PLPP4: variants seen among roughly 807,000 people sequenced by gnomAD.
PLPP4 encodes the protein phospholipid phosphatase 4.
PLPP4 carries 20 observed loss-of-function variants against 32.2 expected under a neutral mutation model. The ratio of observed to expected loss-of-function variants is 0.62; its 90% CI spans 0.44 to 0.90. The LOEUF is 0.90. PLPP4 is among the 40% of genes least tolerant of loss of function. The probability of loss-of-function intolerance (pLI) is 0.00; values close to 1 mark genes in which losing one functional copy is unlikely to be tolerated. For synonymous variants in PLPP4, 127 were observed against 133.0 expected (o/e 0.95, Z 0.31); for missense variants, 257 against 353.1 (o/e 0.73, Z 2.18).
At chr10:120,542,152 C>T (rs1425757409) in intron 5 of PLPP4, among the ~76,000 whole-genome samples, 1 of 152,204 alleles carries the variant, frequency 6.6e-6, no homozygotes, top group African/African-American at 2.4e-5. Context: ...GTGAGGAAGA[C>T]TGCTGGAGGT....
chr10:120,527,512 C>T (rs941298086), intron 5 of PLPP4, among the ~76,000 whole-genome samples: 2 of 152,308 alleles, frequency 1.3e-5, no homozygotes, highest in South Asian at 4.1e-4. Flanking sequence ...AATACCTTTA[C>T]GGTAACATCT....
Position 120,565,635 on chromosome 10 carries a change from T to C in PLPP4, c.446-9496T>C, listed in dbSNP as rs371382052. On this transcript the variant is annotated intron_variant, in intron 5 of 6. Coordinates refer to ENST00000398250, the MANE Select transcript of PLPP4 (RefSeq NM_001030059.3). The stretch of plus-strand genomic sequence containing the variant: ...TTGTGTTGTAAAGTTTTATTAATAC[T>C]GTGTCTAGGTGTGGAGTTCCTTTTA... 2.2e-4 allele frequency among the ~76,000 whole-genome samples: 34 copies of C among 152,292 alleles called. 1 individual carries two copies. The South Asian group carries it at 4.1e-3, about 19-fold the overall frequency.
At chr10:120,580,941 G>A (rs1455550802) in intron 6 of PLPP4, 47 of 1,289,002 alleles carry the variant, frequency 3.6e-5, no homozygotes, top group Non-Finnish European at 4.8e-5. Flanking sequence ...ATTTACCATC[G>A]GCTGCCAACC....
At chr10:120,494,727 T>A (rs1218600384) in intron 1 of PLPP4, among the ~76,000 whole-genome samples, 1 of 152,208 alleles carries the variant, frequency 6.6e-6, no homozygotes, top group African/African-American at 2.4e-5. Context: ...GGATGATAGG[T>A]ACAAGAGAGT....
rs192701942 is a variant in PLPP4 at position 120,457,329 on chromosome 10, C to T, written c.24C>T (p.Ile8=). Residue 8 remains isoleucine, a synonymous_variant, in exon 1 of 7, where the codon ATC becomes ATT. Coordinates refer to ENST00000398250, the MANE Select transcript of PLPP4 (RefSeq NM_001030059.3). The part of the protein sequence containing the change: MRELAIE[I]GVRALLFGVF... Reference sequence around the variant, plus strand: ...CCATGCGGGAGCTGGCCATTGAGATCGGGGTGCGAGCCCTGCTCTTCGGAG... The same window carrying T: ...CCATGCGGGAGCTGGCCATTGAGATTGGGGTGCGAGCCCTGCTCTTCGGAG... The T allele has an allele frequency of 2.2e-4, 344 of 1,534,566 alleles. 3 individuals are homozygous for T. The East Asian group carries it at 7.8e-3, about 35-fold the overall frequency.
chr10:120,514,199 C>G (rs1845845736), intron 3 of PLPP4, among the ~76,000 whole-genome samples, 198 bp downstream of exon 3: 1 of 152,198 alleles, frequency 6.6e-6, no homozygotes, highest in Non-Finnish European at 1.5e-5. Flanking sequence ...TGTTCAGACA[C>G]CGCCCACTGT....
chr10:120,523,954 C>T (rs1846280989), intron 5 of PLPP4, among the ~76,000 whole-genome samples: 1 of 152,172 alleles, frequency 6.6e-6, no homozygotes, highest in African/African-American at 2.4e-5. Context: ...CAGATGCGCA[C>T]CCTCCCCTCC....
At chr10:120,537,682 C>T (rs1281679488) in intron 5 of PLPP4, among the ~76,000 whole-genome samples, 1 of 152,180 alleles carries the variant, frequency 6.6e-6, no homozygotes, top group African/African-American at 2.4e-5. Flanking sequence ...AGCTCTTAAG[C>T]ATTCTCACCC....
At chr10:120,457,402 G>T (rs1417977324) in intron 1 of PLPP4, 41 bp downstream of exon 1, 1 of 1,513,046 alleles carries the variant, frequency 6.6e-7, no homozygotes, top group South Asian at 1.2e-5. Flanking sequence ...ACTGACGCGG[G>T]GGAACAACCG....
chr10:120,569,804 A>G (rs1848848791), intron 5 of PLPP4, among the ~76,000 whole-genome samples: 1 of 152,196 alleles, frequency 6.6e-6, no homozygotes, highest in Non-Finnish European at 1.5e-5. Context: ...GGCATTACAT[A>G]TCGGGTGCCT....
intron 5 of PLPP4, among the ~76,000 whole-genome samples, chr10:120,556,698 C>G (rs573017339): frequency 8.6e-5 from 13 of 152,036 alleles, no homozygotes; most frequent in Non-Finnish European, 1.3e-4. Context: ...TAGGAAAACC[C>G]TATAAGATGG....
intron 1 of PLPP4, among the ~76,000 whole-genome samples, chr10:120,499,555 G>A (rs370541061): frequency 6.6e-6 from 1 of 152,108 alleles, no homozygotes; most frequent in East Asian, 1.9e-4. Context: ...TCTGGGGTGG[G>A]GCTGGAGATT....
intron 5 of PLPP4, among the ~76,000 whole-genome samples, chr10:120,560,626 G>T (rs1848389187): frequency 6.6e-6 from 1 of 152,074 alleles, no homozygotes; most frequent in Admixed American, 6.6e-5. Flanking sequence ...ACCGTGGTGT[G>T]CACCTGTAAT....
chr10:120,569,472 G>T (rs541325941), intron 5 of PLPP4, among the ~76,000 whole-genome samples: 1 of 152,186 alleles, frequency 6.6e-6, no homozygotes, highest in Non-Finnish European at 1.5e-5. Context: ...GTAAGAAAAG[G>T]AGTTTATAGT....
chr10:120,507,192 T>C (rs1330547402), intron 2 of PLPP4, among the ~76,000 whole-genome samples: 2 of 152,132 alleles, frequency 1.3e-5, no homozygotes, highest in African/African-American at 2.4e-5. Flanking sequence ...AAGAAAACCA[T>C]AGGGGCTATA....
intron 1 of PLPP4, among the ~76,000 whole-genome samples, chr10:120,470,232 A>G (rs1848458579): frequency 6.6e-6 from 1 of 152,200 alleles, no homozygotes; most frequent in Non-Finnish European, 1.5e-5. Context: ...CGTATTGGCA[A>G]TTTGTATTTC....
At chr10:120,473,179 G>T (rs1371550178) in intron 1 of PLPP4, among the ~76,000 whole-genome samples, 2 of 152,178 alleles carry the variant, frequency 1.3e-5, no homozygotes, top group African/African-American at 4.8e-5. Flanking sequence ...ATACATTGTA[G>T]AGATTCTGGA....
At chr10:120,580,036 C>A (rs546815036) in intron 6 of PLPP4, among the ~76,000 whole-genome samples, 6 of 142,886 alleles carry the variant, frequency 4.2e-5, no homozygotes, top group East Asian at 4.3e-4. Context: ...AGGAGAATGG[C>A]GTGAACCTGG....
intron 5 of PLPP4, among the ~76,000 whole-genome samples, chr10:120,569,483 C>T (rs1848835181): frequency 6.6e-6 from 1 of 152,214 alleles, no homozygotes; most frequent in Middle Eastern, 3.4e-3. Flanking sequence ...AGTTTATAGT[C>T]TGCTTTTTTC....
Sources: allele counts gnomAD v4.1 joint callset (sites outside exome capture counted in the v4.1 genomes callset), GRCh38; gene constraint gnomAD v4.1.1; transcripts MANE v1.5; gene names NCBI Gene and HGNC (gene_info 2026-07-23, HGNC 2026-07-21).